Variants in VWA8 observed in about 807,000 individuals in gnomAD.
The protein encoded by VWA8 is von Willebrand factor A domain-containing protein 8.
A neutral mutation model predicts 241.5 loss-of-function variants in VWA8; 221 were observed. The observed-to-expected ratio is 0.91, with a 90% CI of 0.82 to 1.02. The LOEUF (loss-of-function observed/expected upper bound fraction) is 1.02, where lower values mean the gene tolerates loss of function less well. Ranked by LOEUF, VWA8 falls within the 50% of genes least tolerant of loss-of-function variation. The pLI, the probability that VWA8 is intolerant of heterozygous loss-of-function variation, is 0.00. For missense variants in VWA8, 2,322 were observed against 2,328.7 expected (o/e 1.00, Z 0.06); for synonymous variants, 852 against 827.1 (o/e 1.03, Z -0.52).
chr13:41,833,275 T>C, intron 13 of VWA8, 96 bp downstream of exon 13: 2 of 1,389,478 alleles, frequency 1.4e-6, no homozygotes, highest in Non-Finnish European at 1.9e-6. Flanking sequence ...CACAACCCAG[T>C]TTAAAAAAAA....
At chr13:41,799,298 T>A (rs1223061510) in intron 17 of VWA8, among the ~76,000 whole-genome samples, 1 of 152,194 alleles carries the variant, frequency 6.6e-6, no homozygotes, top group Non-Finnish European at 1.5e-5. Flanking sequence ...GGTTGGTGTT[T>A]TCTACTAAGC....
At chr13:41,833,585 C>A in intron 12 of VWA8, 54 bp from the exon 13 acceptor site, 1 of 1,510,036 alleles carries the variant, frequency 6.6e-7, no homozygotes, top group South Asian at 1.4e-5. Context: ...ATTTTTAAGA[C>A]ATGCAAGGTA....
chr13:41,862,098 T>C (rs887484770), intron 12 of VWA8, among the ~76,000 whole-genome samples: 4 of 151,978 alleles, frequency 2.6e-5, no homozygotes, highest in Non-Finnish European at 5.9e-5. Context: ...CAAAAACAGA[T>C]ACCTAGACCA....
chr13:41,926,500 A>AAAT, intron 2 of VWA8: 1 of 531,374 alleles, frequency 1.9e-6, no homozygotes, highest in Non-Finnish European at 3.8e-6. Flanking sequence ...ATAAGATGCT[A>AAAT]GTGGTTGGTG....
At position 41,589,602 on chromosome 13, in the gene VWA8, C is replaced by A. The variant is rs528356513; in HGVS notation, c.5112+1038G>T. On this transcript the variant is annotated intron_variant, in intron 41 of 44. Transcript: ENST00000379310. ...CCTTCCTCCCTCTCCCCACAAAGCA[C>A]TGGATAATTTGTTCTCTGAAGTTTC... 3.9e-4 allele frequency among the ~76,000 whole-genome samples: 60 copies of A among 152,290 alleles called. 1 individual carries two copies. The highest frequency in any genetic ancestry group is 6.8e-3 in the Middle Eastern group (2 of 294).
chr13:41,724,291 C>T (rs1217729261), intron 24 of VWA8, among the ~76,000 whole-genome samples: 1 of 152,030 alleles, frequency 6.6e-6, no homozygotes, highest in Admixed American at 6.5e-5. Flanking sequence ...CTTTTGAGTA[C>T]AAATGACTGT....
intron 21 of VWA8, among the ~76,000 whole-genome samples, chr13:41,747,489 A>C (rs1308730523): frequency 1.3e-5 from 2 of 152,150 alleles, no homozygotes; most frequent in East Asian, 3.9e-4. Flanking sequence ...CAGCTTAAGG[A>C]GATTTTGGGC....
chr13:41,756,398 A>G (rs1187063552), intron 21 of VWA8, among the ~76,000 whole-genome samples: 2 of 151,812 alleles, frequency 1.3e-5, no homozygotes, highest in Admixed American at 6.6e-5. Flanking sequence ...TCAGCCTAAT[A>G]TATCTTTCTA....
chr13:41,726,994 C>CG (rs2137857514), intron 24 of VWA8, among the ~76,000 whole-genome samples, 200 bp downstream of exon 24: 1 of 151,836 alleles, frequency 6.6e-6, no homozygotes, highest in South Asian at 2.1e-4. Flanking sequence ...GACTCCATCT[C>CG]GGAAAAAAAC....
At chr13:41,651,542 A>G (rs1031176239) in intron 37 of VWA8, among the ~76,000 whole-genome samples, 5 of 152,142 alleles carry the variant, frequency 3.3e-5, no homozygotes, top group Admixed American at 3.3e-4. Context: ...TGTTGCAACT[A>G]CTCAACTGTG....
chr13:41,844,081 A>T (rs1445232632), intron 12 of VWA8, among the ~76,000 whole-genome samples: 1 of 152,198 alleles, frequency 6.6e-6, no homozygotes, highest in Non-Finnish European at 1.5e-5. Context: ...TGGACACAAA[A>T]ATCCTCAACA....
chr13:41,758,024 A>G (rs192512549), intron 21 of VWA8, among the ~76,000 whole-genome samples: 35 of 151,644 alleles, frequency 2.3e-4, no homozygotes, highest in African/African-American at 8.0e-4. Flanking sequence ...AACAAAGAAT[A>G]CCTTCTATTT....
At chr13:41,845,472 C>T (rs1342076241) in intron 12 of VWA8, among the ~76,000 whole-genome samples, 2 of 151,858 alleles carry the variant, frequency 1.3e-5, no homozygotes, top group African/African-American at 2.4e-5. Context: ...TGGGTATATG[C>T]CCAAAGGAAA....
intron 13 of VWA8, among the ~76,000 whole-genome samples, chr13:41,831,705 C>T (rs145968613): frequency 0.012 from 1,829 of 150,730 alleles, 13 homozygotes; most frequent in East Asian, 0.02. Context: ...CTGCAACCTC[C>T]GCCTCCTGGG....
chr13:41,929,395 C>T (rs1877002190), intron 2 of VWA8, among the ~76,000 whole-genome samples: 1 of 152,134 alleles, frequency 6.6e-6, no homozygotes, highest in Non-Finnish European at 1.5e-5. Flanking sequence ...TAGAGCAATC[C>T]TCCTGCCTTG....
chr13:41,804,342 T>C (rs2137964955), intron 17 of VWA8, among the ~76,000 whole-genome samples: 1 of 152,152 alleles, frequency 6.6e-6, no homozygotes, highest in East Asian at 1.9e-4. Flanking sequence ...TACAGGCCAG[T>C]AGAGAGTAGC....
chr13:41,914,172 G>T (rs917961687), intron 2 of VWA8, among the ~76,000 whole-genome samples: 3 of 152,156 alleles, frequency 2.0e-5, no homozygotes, highest in Non-Finnish European at 4.4e-5. Context: ...CAGCCTGGGC[G>T]ACAAAGTGAG....
At chr13:41,637,050 C>A (rs559442805) in intron 37 of VWA8, among the ~76,000 whole-genome samples, 7,434 of 147,568 alleles carry the variant, frequency 0.05, 345 homozygotes, top group African/African-American at 0.13. Flanking sequence ...TTTGACCCAG[C>A]CATCCCATTA....
intron 40 of VWA8, among the ~76,000 whole-genome samples, chr13:41,600,113 C>G (rs2044511659): frequency 6.6e-6 from 1 of 152,110 alleles, no homozygotes; most frequent in Non-Finnish European, 1.5e-5. Context: ...GGAAGGTTTT[C>G]AAGTTGTCTT....
Sources: gnomAD v4.1 joint callset for allele counts (sites outside exome capture counted in the v4.1 genomes callset) on GRCh38, gnomAD v4.1.1 for gene constraint, MANE v1.5 for transcripts, NCBI Gene and HGNC (gene_info 2026-07-23, HGNC 2026-07-21) for gene names.